Variants in CARHSP1 observed in about 807,000 individuals in gnomAD.
The protein encoded by CARHSP1 is calcium regulated heat stable protein 1, also known as calcium-regulated heat-stable protein 1.
CARHSP1 carries 14 observed loss-of-function variants against 12.5 expected under a neutral mutation model. The ratio of observed to expected loss-of-function variants is 1.12; its 90% CI spans 0.74 to 1.75. CARHSP1 has a LOEUF of 1.75. Among genes scored for constraint, CARHSP1 ranks in the 40% most tolerant of loss-of-function variants. The pLI, the probability that CARHSP1 is intolerant of heterozygous loss-of-function variation, is 0.00. For synonymous variants in CARHSP1, 161 were observed against 82.0 expected, an observed-to-expected ratio of 1.96 and a Z score of -5.20; for missense variants, 343 against 201.6, an observed-to-expected ratio of 1.70 and a Z score of -4.25.
At chr16:8,862,301 G>A (rs1228891301) in intron 1 of CARHSP1, among the ~76,000 whole-genome samples, 2 of 152,022 alleles carry the variant, frequency 1.3e-5, no homozygotes, top group East Asian at 1.9e-4. Flanking sequence ...CACACCATCA[G>A]GCTGAACTGA....
chr16:8,855,756 A>G (rs1384894535), intron 3 of CARHSP1, among the ~76,000 whole-genome samples: 1 of 152,168 alleles, frequency 6.6e-6, no homozygotes, highest in Non-Finnish European at 1.5e-5. Flanking sequence ...GGTCCTCAGC[A>G]CTGCAGCCCC....
At chr16:8,865,605 G>A (rs1202004483) in intron 1 of CARHSP1, among the ~76,000 whole-genome samples, 2 of 152,206 alleles carry the variant, frequency 1.3e-5, no homozygotes, top group African/African-American at 4.8e-5. Flanking sequence ...ATGGTGTTGG[G>A]GCAGCTTCCA....
intron 1 of CARHSP1, chr16:8,860,667 T>G: frequency 5.9e-6 from 1 of 170,584 alleles, no homozygotes; most frequent in Non-Finnish European, 1.1e-5. Flanking sequence ...CCTAACTAAC[T>G]CAGGACGCCA....
chr16:8,855,075 C>T lies in CARHSP1; in HGVS notation c.*89G>A, dbSNP rs529984276. The T allele has an allele frequency of 7.3e-5, 88 of 1,213,762 alleles. No individual in the cohort carries two copies. The highest frequency in any genetic ancestry group is 1.1e-4 in the Admixed American group (4 of 37,268). 75.2% of individuals were successfully genotyped at this position (1,213,762 alleles called of 1,614,324 possible). On this transcript the variant is annotated 3_prime_UTR_variant, in exon 4 of 4. Transcript: ENST00000311052. ...ACCATGCCCGGCTGAAGCCCCGTCT[C>T]GTGTGGAAGAATGTCATCTCCAGTG...
intron 1 of CARHSP1, among the ~76,000 whole-genome samples, chr16:8,865,196 G>A (rs1596328980): frequency 1.3e-5 from 2 of 152,032 alleles, no homozygotes; most frequent in South Asian, 2.1e-4. Context: ...GCAGACCCCC[G>A]CCCCCCAGGT....
rs769051321 is a variant in CARHSP1, at chr16:8,859,201, A to C, written c.128T>G (p.Leu43Arg). Reference sequence around the variant, plus strand: ...GAAGGTCCTCGTCCGGCGAGTGGGCAGTGGGCTTGGGACCACGTTGCCCCG... The same window carrying C: ...GAAGGTCCTCGTCCGGCGAGTGGGCCGTGGGCTTGGGACCACGTTGCCCCG... The part of the protein sequence containing the change: ...PLRGNVVPSP[L>R]PTRRTRTFSA... Residue 43 changes from leucine to arginine, a missense_variant, in exon 2 of 4, where the codon CTG becomes CGG. Leu to Arg is a moderately radical substitution (Grantham distance 102). Transcript: ENST00000311052. 6.2e-7 allele frequency: 1 copy of C among 1,602,808 alleles called. No individual in the cohort carries two copies. Among genetic ancestry groups the C allele is most frequent in the South Asian group, 1.1e-5 (1 of 89,506 alleles).
At position 8,854,195 on chromosome 16, in the gene CARHSP1, A is replaced by G. The variant is rs1461495244; in HGVS notation, c.*969T>C. On this transcript the variant is annotated 3_prime_UTR_variant, in exon 4 of 4. Transcript: ENST00000311052. ...AAAAAAAAATCCCTAAGCATTTCTT[A>G]ACACTAGTTTTAAAGAAAACCCCCT... is the stretch of plus-strand genomic sequence containing the variant. The G allele has an allele frequency of 6.6e-6, 1 of 152,150 alleles. No individual in the cohort carries two copies. The highest frequency in any genetic ancestry group is 2.4e-5 in the African/African-American group (1 of 41,436). 9.4% of individuals were successfully genotyped at this position (152,150 alleles called of 1,614,324 possible).
At chr16:8,865,096 T>A (rs2061432198) in intron 1 of CARHSP1, among the ~76,000 whole-genome samples, 1 of 152,194 alleles carries the variant, frequency 6.6e-6, no homozygotes, top group South Asian at 2.1e-4. Context: ...GGGAGCTCAT[T>A]GAAGGAGACT....
chr16:8,865,853 G>A (rs749097254), intron 1 of CARHSP1, among the ~76,000 whole-genome samples: 1 of 152,242 alleles, frequency 6.6e-6, no homozygotes, highest in African/African-American at 2.4e-5. Flanking sequence ...TTAAGCCAGT[G>A]ATTCTACTTC....
At chr16:8,857,263 G>GTTTTTTGTTGT (rs1315960023) in intron 3 of CARHSP1, among the ~76,000 whole-genome samples, 2 of 57,006 alleles carry the variant, frequency 3.5e-5, no homozygotes, top group African/African-American at 1.1e-4. Context: ...GGGCAGATCT[G>GTTTTTTGTTGT]TTTTTTTTTT....
chr16:8,855,524 G>T (rs2061072273), intron 3 of CARHSP1, among the ~76,000 whole-genome samples, 198 bp from the exon 4 acceptor site: 1 of 152,174 alleles, frequency 6.6e-6, no homozygotes, highest in Non-Finnish European at 1.5e-5. Flanking sequence ...TAGGCAAGGA[G>T]GCCCTGGCCC....
chr16:8,858,500 C>T, intron 2 of CARHSP1, 28 bp from the exon 3 acceptor site: 2 of 1,609,922 alleles, frequency 1.2e-6, no homozygotes, highest in Non-Finnish European at 1.7e-6. Context: ...ATGTCAGGGG[C>T]CCCATCAGCG....
chr16:8,862,523 C>T (rs1005572878), intron 1 of CARHSP1, among the ~76,000 whole-genome samples: 1 of 152,094 alleles, frequency 6.6e-6, no homozygotes, highest in African/African-American at 2.4e-5. Context: ...CAGATCATTA[C>T]AGATCCCAAA....
intron 2 of CARHSP1, chr16:8,858,801 G>C (rs926806164): frequency 2.4e-5 from 10 of 420,560 alleles, no homozygotes; most frequent in African/African-American, 1.8e-4. Context: ...CGCAAGGCCT[G>C]AGACCTGCAT....
intron 1 of CARHSP1, among the ~76,000 whole-genome samples, chr16:8,865,616 G>A (rs549078486): frequency 6.6e-6 from 1 of 152,334 alleles, no homozygotes; most frequent in South Asian, 2.1e-4. Context: ...GCAGCTTCCA[G>A]CCCGGAGCCA....
chr16:8,856,916 T>G (rs2061133029), intron 3 of CARHSP1, among the ~76,000 whole-genome samples: 1 of 151,994 alleles, frequency 6.6e-6, no homozygotes, highest in Admixed American at 6.6e-5. Context: ...CCCCAAGGGT[T>G]TTCAGACACT....
At position 8,855,333 on chromosome 16, in the gene CARHSP1, G is replaced by A. The variant is rs755124372; in HGVS notation, c.282-7C>T. 27 of 1,547,596 alleles carry A rather than the reference G, an allele frequency of 1.7e-5. No homozygotes were observed. The highest frequency in any genetic ancestry group is 2.1e-5 in the Non-Finnish European group (24 of 1,140,098). On this transcript the variant is annotated splice_region_variant and splice_polypyrimidine_tract_variant and intron_variant, in intron 3 of 3. Coordinates refer to ENST00000311052, the MANE Select transcript of CARHSP1 (RefSeq NM_014316.4). ...GACATACTCCCCTTCCACACTACGGGGGCATAAATAAAGCAGTCAGGGCTC... is the reference window on the plus strand; with the variant it reads ...GACATACTCCCCTTCCACACTACGGAGGCATAAATAAAGCAGTCAGGGCTC...
rs1232440508 is a variant in CARHSP1 at position 8,854,223 on chromosome 16, C to T, written c.*941G>A. ...ACTAGTTTTAAAGAAAACCCCCTCT[C>T]CAAAGGTATGTTTCTCCTTCAACTT... On this transcript the variant is annotated 3_prime_UTR_variant, in exon 4 of 4. Transcript: ENST00000311052. 1 of 152,166 alleles carries T rather than the reference C, an allele frequency of 6.6e-6. No homozygotes were observed. The highest frequency in any genetic ancestry group is 1.5e-5 in the Non-Finnish European group (1 of 68,034). 9.4% of individuals were successfully genotyped at this position (152,166 alleles called of 1,614,324 possible).
rs2061231255 is a variant in CARHSP1 at position 8,858,544 on chromosome 16, C to T, written c.159-72G>A. 4 of 1,567,976 alleles carry T rather than the reference C, an allele frequency of 2.6e-6. No individual in the cohort carries two copies. The East Asian group carries it at 9.0e-5, about 35-fold the overall frequency. On this transcript the variant is annotated intron_variant, in intron 2 of 3. Transcript: ENST00000311052. ...CACACAAAGCTCATTCCAGCCCCTG[C>T]CCACAGCTGTGCCCCATCAAGCCCT...
Sources: gnomAD v4.1 joint callset for allele counts (sites outside exome capture counted in the v4.1 genomes callset) on GRCh38, gnomAD v4.1.1 for gene constraint, MANE v1.5 for transcripts, NCBI Gene and HGNC (gene_info 2026-07-23, HGNC 2026-07-21) for gene names.